The following LCA5 variants were observed in gnomAD, a reference collection of about 807,000 sequenced individuals.
The protein encoded by LCA5 is lebercilin.
In LCA5, 37 loss-of-function variants were observed where a neutral mutation model predicts 53.0. That is an observed-to-expected ratio of 0.70 (90% CI 0.54 to 0.92). The LOEUF (loss-of-function observed/expected upper bound fraction) is 0.92. Ranked by LOEUF, LCA5 falls within the 40% of genes least tolerant of loss-of-function variation. LCA5 has a pLI of 0.00. For synonymous variants in LCA5, 303 were observed against 282.9 expected (o/e 1.07, Z -0.71); for missense variants, 806 against 790.5 (o/e 1.02, Z -0.23).
intron 3 of LCA5, among the ~76,000 whole-genome samples, chr6:79,510,413 C>CT (rs1219066518): frequency 3.6e-4 from 54 of 152,066 alleles, no homozygotes; most frequent in Non-Finnish European, 2.9e-5. Context: ...TTATAAAACA[C>CT]CAAGTGGTAC....
chr6:79,528,294 G>C (rs76165264), intron 1 of LCA5, among the ~76,000 whole-genome samples: 2 of 152,162 alleles, frequency 1.3e-5, no homozygotes, highest in East Asian at 1.9e-4. Flanking sequence ...CTCTCTAGGT[G>C]GGGGGCAGAG....
chr6:79,513,970 A>T (rs1190766066), intron 2 of LCA5, among the ~76,000 whole-genome samples: 1 of 152,182 alleles, frequency 6.6e-6, no homozygotes, highest in Non-Finnish European at 1.5e-5. Context: ...GTTTATACGG[A>T]ATTATTCTAC....
chr6:79,489,514 TGC>T (rs35737539), intron 6 of LCA5, among the ~76,000 whole-genome samples: 3,048 of 152,220 alleles, frequency 0.02, 102 homozygotes, highest in African/African-American at 0.068. Context: ...GAAGTATCCT[TGC>T]TTTGTGCATT....
chr6:79,495,450 C>A (rs1041334151), intron 3 of LCA5, among the ~76,000 whole-genome samples: 3 of 151,950 alleles, frequency 2.0e-5, no homozygotes, highest in African/African-American at 7.3e-5. Context: ...TCCTGTGGAA[C>A]CTGAGTATAT....
At position 79,513,485 on chromosome 6, in the gene LCA5, C is replaced by G; in HGVS notation, c.447G>C (p.Lys149Asn). The stretch of plus-strand genomic sequence containing the variant: ...AGATTTCATTTTCGGCATCTTCAAA[C>G]TTATTCAGGGCTTTCTCCTGTCTGT... ...LQYRQEKALN[K>N]FEDAENEISQ... The change falls in exon 3 of 8, where the codon AAG (lysine) becomes AAC (asparagine). Residue 149 changes from lysine (K) to asparagine (N), a missense_variant. Physicochemically the swap from Lys to Asn is moderately conservative, Grantham distance 94. Coordinates refer to ENST00000369846, the MANE Select transcript of LCA5 (RefSeq NM_001122769.3). 1 of 1,613,942 alleles carries G rather than the reference C, an allele frequency of 6.2e-7. No homozygotes were observed. The highest frequency in any genetic ancestry group is 8.5e-7 in the Non-Finnish European group (1 of 1,179,918).
chr6:79,522,829 C>T (rs747283687), intron 1 of LCA5, among the ~76,000 whole-genome samples: 1 of 151,872 alleles, frequency 6.6e-6, no homozygotes, highest in Non-Finnish European at 1.5e-5. Context: ...TACAGGCATG[C>T]GCCACCACGC....
At chr6:79,490,683 TAAAC>T (rs1160082618) in intron 6 of LCA5, among the ~76,000 whole-genome samples, 1 of 152,062 alleles carries the variant, frequency 6.6e-6, no homozygotes, top group African/African-American at 2.4e-5. Context: ...CAAAAATAAA[TAAAC>T]AAATAAAAAA....
intron 6 of LCA5, among the ~76,000 whole-genome samples, chr6:79,490,345 C>G (rs559927090): frequency 6.6e-6 from 1 of 152,078 alleles, no homozygotes; most frequent in Admixed American, 6.6e-5. Context: ...TGTCACAACC[C>G]TGAAAAGTAA....
At chr6:79,518,595 A>G (rs1766516551) in intron 2 of LCA5, 110 bp downstream of exon 2, 2 of 991,582 alleles carry the variant, frequency 2.0e-6, no homozygotes, top group Admixed American at 1.7e-5. Flanking sequence ...GCCCACTTCC[A>G]TGTATACAAC....
intron 1 of LCA5, chr6:79,525,354 C>G (rs1049011314): frequency 2.0e-5 from 3 of 152,196 alleles, no homozygotes; most frequent in African/African-American, 7.2e-5. Context: ...TGGACCAATT[C>G]CTAGGACCCA....
intron 1 of LCA5, among the ~76,000 whole-genome samples, chr6:79,534,055 G>C (rs1222214575): frequency 6.8e-6 from 1 of 147,804 alleles, no homozygotes; most frequent in African/African-American, 2.5e-5. Flanking sequence ...TTGTGGAAGA[G>C]GAGCAGTTAC....
intron 1 of LCA5, among the ~76,000 whole-genome samples, chr6:79,526,549 A>T (rs1279687727): frequency 3.3e-5 from 5 of 152,166 alleles, no homozygotes; most frequent in African/African-American, 1.2e-4. Context: ...GTCTCAAAAA[A>T]CAAAACAAAA....
intron 3 of LCA5, among the ~76,000 whole-genome samples, chr6:79,501,743 CAG>C (rs1770145267): frequency 1.3e-5 from 2 of 150,316 alleles, no homozygotes; most frequent in Non-Finnish European, 3.0e-5. Context: ...ATAACTATAA[CAG>C]AATTCTATAA....
chr6:79,518,106 AG>A (rs1181282822), intron 2 of LCA5, among the ~76,000 whole-genome samples: 2 of 152,212 alleles, frequency 1.3e-5, no homozygotes, highest in Non-Finnish European at 2.9e-5. Context: ...AATATTACAT[AG>A]TCAAATATGT....
chr6:79,491,455 T>A (rs1013668889), intron 6 of LCA5, 133 bp downstream of exon 6: 5 of 930,050 alleles, frequency 5.4e-6, no homozygotes, highest in Middle Eastern at 3.1e-4. Flanking sequence ...CCTCTTTCCC[T>A]TCAAAAAGGC....
intron 3 of LCA5, among the ~76,000 whole-genome samples, chr6:79,509,090 C>A (rs921907297): frequency 6.6e-6 from 1 of 152,070 alleles, no homozygotes; most frequent in Non-Finnish European, 1.5e-5. Flanking sequence ...TGGCTACACT[C>A]CCCCCATCCC....
intron 5 of LCA5, 82 bp downstream of exon 5, chr6:79,492,469 C>A: frequency 1.6e-6 from 1 of 632,178 alleles, no homozygotes; most frequent in South Asian, 2.2e-5. Flanking sequence ...GGTTCTTTTC[C>A]TTCCCTTCCA....
intron 1 of LCA5, among the ~76,000 whole-genome samples, chr6:79,526,025 T>C (rs1003981086): frequency 6.6e-6 from 1 of 152,160 alleles, no homozygotes; most frequent in Non-Finnish European, 1.5e-5. Context: ...GTGGAAGTCG[T>C]GTAACTTGTC....
rs1413471123 is a variant in LCA5, at chr6:79,486,361, A to G, written c.*643T>C. The G allele has an allele frequency of 6.6e-6, 1 of 152,320 alleles. No homozygotes were observed. Among genetic ancestry groups the G allele is most frequent in the Non-Finnish European group, 1.5e-5 (1 of 68,118 alleles). 9.4% of individuals were successfully genotyped at this position (152,320 alleles called of 1,614,324 possible). A position where few individuals can be genotyped will look rare whatever the true frequency, so the allele number is the denominator to read the frequency against. On this transcript the variant is annotated 3_prime_UTR_variant, in exon 8 of 8. Coordinates refer to ENST00000369846, the MANE Select transcript of LCA5 (RefSeq NM_001122769.3). The stretch of plus-strand genomic sequence containing the variant: ...CAGAGAAATGTCTTCCGAACTCAAC[A>G]TAATATTCTAACAGAATTGTAGGTA...
Sources: gnomAD v4.1 joint callset for allele counts (sites outside exome capture counted in the v4.1 genomes callset) on GRCh38, gnomAD v4.1.1 for gene constraint, MANE v1.5 for transcripts, NCBI Gene and HGNC (gene_info 2026-07-23, HGNC 2026-07-21) for gene names.